Variants in JAKMIP3 observed in about 807,000 individuals in gnomAD.
JAKMIP3 encodes the protein janus kinase and microtubule-interacting protein 3.
In JAKMIP3, 58 loss-of-function variants were observed where a neutral mutation model predicts 118.5. That is an observed-to-expected ratio of 0.49 (90% confidence interval 0.40 to 0.61). The LOEUF (loss-of-function observed/expected upper bound fraction) is 0.61. Ranked by LOEUF, JAKMIP3 falls within the 20% of genes least tolerant of loss-of-function variation. JAKMIP3 has a pLI of 0.00. For synonymous variants in JAKMIP3, 486 were observed against 451.2 expected, an observed-to-expected ratio of 1.08 and a Z score of -0.98; for missense variants, 950 against 1,109.0, an observed-to-expected ratio of 0.86 and a Z score of 2.04.
chr10:132,042,362 C>T (rs1049730698), intron 1 of JAKMIP3, among the ~76,000 whole-genome samples: 2 of 152,152 alleles, frequency 1.3e-5, no homozygotes, highest in Non-Finnish European at 2.9e-5. Flanking sequence ...CAGGTTTGCA[C>T]CACCACGCCT....
At chr10:132,155,107 C>T (rs1477941239) in intron 19 of JAKMIP3, among the ~76,000 whole-genome samples, 3 of 51,394 alleles carry the variant, frequency 5.8e-5, no homozygotes, top group East Asian at 6.9e-4. Flanking sequence ...ATGATGGTGG[C>T]GATGATGGTC....
chr10:132,067,116 C>T lies in JAKMIP3; in HGVS notation c.-138+1055C>T, dbSNP rs532896097. ...AGCAGAAGAGGAAAGTGAGCCGGGC[C>T]GAGGAAGGACCCTCAGTTTACATTC... On this transcript the variant is annotated intron_variant, in intron 1 of 23. Transcript: ENST00000684848. Among the ~76,000 whole-genome samples the T allele has an allele frequency of 5.9e-5, 9 of 152,136 alleles. No homozygotes were observed. The East Asian group carries it at 1.4e-3, about 23-fold the overall frequency.
chr10:132,062,729 A>G (rs1335236333), upstream of JAKMIP3, among the ~76,000 whole-genome samples: 1 of 152,242 alleles, frequency 6.6e-6, no homozygotes, highest in Non-Finnish European at 1.5e-5. Context: ...AACAGGTCTC[A>G]GTCATGAGAC....
chr10:132,139,557 G>A (rs1185442580), intron 9 of JAKMIP3, among the ~76,000 whole-genome samples: 4 of 126,706 alleles, frequency 3.2e-5, no homozygotes, highest in South Asian at 6.8e-4. Context: ...GTGTTTTCTC[G>A]CTGTTAGACT....
chr10:132,049,196 C>G lies in JAKMIP3; in HGVS notation c.-138+12458C>G, dbSNP rs1042691063. On this transcript the variant is annotated intron_variant, in intron 1 of 23. Transcript: ENST00000657785. The surrounding 1 kb of genome is among the most constrained non-coding windows in gnomAD (Gnocchi z 4.3). ...TCTGGGTTGATTTTCTAGCGGCTGG[C>G]GAGCTCTTTGCACCGTGGATTCGGG... Among the ~76,000 whole-genome samples, 1 of 151,896 alleles carries G rather than the reference C, an allele frequency of 6.6e-6. No individual in the cohort carries two copies. The highest frequency in any genetic ancestry group is 1.5e-5 in the Non-Finnish European group (1 of 68,012).
intron 13 of JAKMIP3, among the ~76,000 whole-genome samples, chr10:132,146,295 C>T (rs1409068306): frequency 6.6e-6 from 1 of 152,092 alleles, no homozygotes; most frequent in Non-Finnish European, 1.5e-5. Context: ...TCGGCACCTC[C>T]CACCACATCA....
At chr10:132,102,965 T>TG (rs1191312439) in intron 1 of JAKMIP3, among the ~76,000 whole-genome samples, 1 of 105,060 alleles carries the variant, frequency 9.5e-6, no homozygotes, top group East Asian at 2.5e-4. Context: ...GGGCATGGGG[T>TG]GGGGGGAAGT....
intron 1 of JAKMIP3, among the ~76,000 whole-genome samples, chr10:132,101,686 C>T (rs144505352): frequency 8.1e-4 from 123 of 151,818 alleles, no homozygotes; most frequent in Non-Finnish European, 1.1e-3. Context: ...AGTGGTGGCC[C>T]GGGGCTCGGT....
At chr10:132,109,387 T>G (rs1168231648) in intron 2 of JAKMIP3, among the ~76,000 whole-genome samples, 1 of 152,206 alleles carries the variant, frequency 6.6e-6, no homozygotes, top group Admixed American at 6.5e-5. Context: ...GACAGGCAGC[T>G]AGGCACCCCC....
At chr10:132,106,638 C>A (rs2134998569) in intron 2 of JAKMIP3, among the ~76,000 whole-genome samples, 1 of 152,336 alleles carries the variant, frequency 6.6e-6, no homozygotes, top group East Asian at 1.9e-4. Flanking sequence ...TGCTCTGTGC[C>A]AGGCGCCCAT....
At chr10:132,142,106 G>A (rs1317876793) in intron 11 of JAKMIP3, 58 bp downstream of exon 11, 38 of 1,525,088 alleles carry the variant, frequency 2.5e-5, no homozygotes, top group Admixed American at 5.8e-5. Context: ...GCTTGACCCC[G>A]TGGCCTGGGC....
chr10:132,098,072 G>A (rs1427720252), intron 1 of JAKMIP3, among the ~76,000 whole-genome samples: 1 of 143,176 alleles, frequency 7.0e-6, no homozygotes, highest in Non-Finnish European at 1.5e-5. Flanking sequence ...GTCTTCCTCT[G>A]TTGTCCAGGT....
chr10:132,053,817 G>A (rs950849537), intron 1 of JAKMIP3, among the ~76,000 whole-genome samples: 4 of 151,898 alleles, frequency 2.6e-5, no homozygotes, highest in African/African-American at 4.8e-5. Context: ...GGCAGATCAC[G>A]AGGTCAGGAG....
rs759337917 is a variant in JAKMIP3, at chr10:132,135,034, G to C, written c.850-7G>C. 1.9e-6 allele frequency: 3 copies of C among 1,612,560 alleles called. No homozygotes were observed. Among genetic ancestry groups the C allele is most frequent in the Non-Finnish European group, 2.5e-6 (3 of 1,178,690 alleles). On this transcript the variant is annotated splice_polypyrimidine_tract_variant and splice_region_variant and intron_variant, in intron 4 of 23. Coordinates refer to ENST00000684848, the MANE Select transcript of JAKMIP3 (RefSeq NM_001323087.2). ...GAACCGTTATTTGCAGTTGATTTTTGTTTTAGGAACAGCAGTTGGATGAAA... is the reference window on the plus strand; with the variant it reads ...GAACCGTTATTTGCAGTTGATTTTTCTTTTAGGAACAGCAGTTGGATGAAA...
rs2051948516 is a variant in JAKMIP3 at position 132,137,121 on chromosome 10, C to G, written c.1219C>G (p.Gln407Glu). 1 of 1,613,926 alleles carries G rather than the reference C, an allele frequency of 6.2e-7. No individual in the cohort carries two copies. The highest frequency in any genetic ancestry group is 1.1e-5 in the South Asian group (1 of 91,076). ...TTTCTTGAAGCTTCAGATTGTGGAG[C>G]AGCAAAACCTCATAGATGAACTGTC... is the stretch of plus-strand genomic sequence containing the variant. ...VDFLKLQIVE[Q>E]QNLIDELSKT... Residue 407 changes from glutamine to glutamate, a missense_variant, in exon 7 of 24, where the codon CAG becomes GAG. By Grantham distance (29) the Gln-to-Glu change is conservative (BLOSUM62 2). Coordinates refer to ENST00000684848, the MANE Select transcript of JAKMIP3 (RefSeq NM_001323087.2).
At chr10:132,175,870 A>AG (rs1362864040) in intron 23 of JAKMIP3, among the ~76,000 whole-genome samples, 2 of 152,028 alleles carry the variant, frequency 1.3e-5, no homozygotes, top group Non-Finnish European at 2.9e-5. Context: ...GACCAGTGAA[A>AG]TTGTTTTCTT....
intron 1 of JAKMIP3, among the ~76,000 whole-genome samples, chr10:132,074,453 T>G (rs1040964270): frequency 6.6e-6 from 1 of 152,246 alleles, no homozygotes; most frequent in Non-Finnish European, 1.5e-5. Flanking sequence ...ACATTGAACA[T>G]TTTTTCATAT....
chr10:132,136,001 G>A lies in JAKMIP3; in HGVS notation c.1041G>A (p.Lys347=). The change falls in exon 6 of 24, where the codon AAG becomes AAA. Residue 347 remains lysine, a synonymous_variant. Transcript: ENST00000684848. ...LLDKNKRLSR[K]NEDLSHALRR... ...ATAAAAACAAGCGCCTCAGTCGGAA[G>A]AACGAGGATTTGTCTCATGCTTTAC... The A allele has an allele frequency of 1.9e-6, 3 of 1,613,718 alleles. No homozygotes were observed. Among genetic ancestry groups the A allele is most frequent in the Non-Finnish European group, 2.5e-6 (3 of 1,179,828 alleles).
At chr10:132,087,462 C>T (rs2134332138) in intron 1 of JAKMIP3, among the ~76,000 whole-genome samples, 1 of 152,168 alleles carries the variant, frequency 6.6e-6, no homozygotes, top group East Asian at 1.9e-4. Flanking sequence ...GTTTTACAGA[C>T]TTTTAGATTT....
Sources: allele counts gnomAD v4.1 joint callset (sites outside exome capture counted in the v4.1 genomes callset), GRCh38; gene constraint gnomAD v4.1.1; non-coding constraint Gnocchi (gnomAD v3.1); transcripts MANE v1.5; gene names NCBI Gene and HGNC (gene_info 2026-07-23, HGNC 2026-07-21).